FNIP2: variants seen among roughly 807,000 people sequenced by gnomAD.
FNIP2 encodes folliculin interacting protein 2, also known as folliculin-interacting protein 2.
FNIP2 carries 32 observed loss-of-function variants against 108.7 expected under a neutral mutation model. The observed-to-expected ratio is 0.29, with a 90% confidence interval of 0.22 to 0.40. The LOEUF is 0.40. Among genes scored for constraint, FNIP2 ranks in the 10% least tolerant of loss-of-function variants. The pLI is 1.00. For synonymous variants in FNIP2, 480 were observed against 496.7 expected (o/e 0.97, Z 0.45); for missense variants, 1,202 against 1,381.6 (o/e 0.87, Z 2.06).
Position 158,816,802 on chromosome 4 carries a change from T to A in FNIP2, c.108-9114T>A, listed in dbSNP as rs1378312545. Among the ~76,000 whole-genome samples the A allele has an allele frequency of 3.3e-4, 50 of 149,620 alleles. 1 individual carries two copies. The highest frequency in any genetic ancestry group is 1.2e-3 in the African/African-American group (50 of 40,776). On this transcript the variant is annotated intron_variant, in intron 1 of 16. Transcript: ENST00000264433. ...TCTGTCTCAAAAAAAAAAAAAAAAA[T>A]TAGCTCAGTGATTATTGAATTAATA... is the stretch of plus-strand genomic sequence containing the variant.
intron 1 of FNIP2, among the ~76,000 whole-genome samples, chr4:158,774,016 C>A (rs948672686): frequency 2.0e-5 from 3 of 151,660 alleles, no homozygotes; most frequent in African/African-American, 2.4e-5. Context: ...CACAGACACA[C>A]AAAACAAAAG....
chr4:158,857,400 T>A (rs529171460), intron 8 of FNIP2, among the ~76,000 whole-genome samples: 1 of 152,214 alleles, frequency 6.6e-6, no homozygotes, highest in Non-Finnish European at 1.5e-5. Flanking sequence ...TATGAAATTG[T>A]GTGAAGTTCT....
chr4:158,850,586 T>G (rs1372563679), intron 7 of FNIP2, among the ~76,000 whole-genome samples: 1 of 149,384 alleles, frequency 6.7e-6, no homozygotes, highest in Admixed American at 6.8e-5. Flanking sequence ...GAAAGCATAT[T>G]GGAGAGTAGA....
intron 7 of FNIP2, among the ~76,000 whole-genome samples, chr4:158,846,013 A>G (rs1192965436): frequency 6.6e-6 from 1 of 152,208 alleles, no homozygotes; most frequent in African/African-American, 2.4e-5. Flanking sequence ...ATAATTAACT[A>G]ATTAGAACTA....
At chr4:158,881,326 C>T (rs186052767) in intron 14 of FNIP2, among the ~76,000 whole-genome samples, 2 of 145,904 alleles carry the variant, frequency 1.4e-5, no homozygotes, top group Non-Finnish European at 3.0e-5. Flanking sequence ...TCCACCGTCT[C>T]GTCTCCCTCT....
intron 14 of FNIP2, 94 bp downstream of exon 14, chr4:158,870,563 T>G (rs1780884653): frequency 6.9e-7 from 1 of 1,449,986 alleles, no homozygotes. Flanking sequence ...AGAGACTAGT[T>G]AAGGGGTTGT....
chr4:158,829,159 C>T lies in FNIP2; in HGVS notation c.315C>T (p.Ser105=). The T allele has an allele frequency of 6.2e-7, 1 of 1,613,166 alleles. No individual in the cohort carries two copies. Among genetic ancestry groups the T allele is most frequent in the Non-Finnish European group, 8.5e-7 (1 of 1,179,514 alleles). The part of the protein sequence containing the change: ...SSSVSSSSSS[S]ISSHSSSGGS... ...GTGTCAGCAGCAGTAGCAGCAGCAG[C>T]ATCTCTTCCCACAGTTCTTCTGGGG... Residue 105 remains serine, a synonymous_variant, in exon 3 of 17, where the codon AGC becomes AGT. Transcript: ENST00000264433.
chr4:158,807,012 C>T (rs944275870), intron 1 of FNIP2, among the ~76,000 whole-genome samples: 3 of 151,912 alleles, frequency 2.0e-5, no homozygotes, highest in African/African-American at 7.3e-5. Context: ...CACGTTCTTC[C>T]GTTAATAAAT....
Position 158,890,270 on chromosome 4 carries a change from C to G in FNIP2, c.2950-1176C>G, listed in dbSNP as rs564586158. ...AATAGGGTTTATATCTTTTTAAACC[C>G]TTATATTTTTATAAACCCTGATAAT... On this transcript the variant is annotated intron_variant, in intron 14 of 16. Coordinates refer to ENST00000264433, the MANE Select transcript of FNIP2 (RefSeq NM_020840.3). 1.7e-5 allele frequency: 17 copies of G among 984,282 alleles called. No individual in the cohort carries two copies. The African/African-American group carries it at 2.3e-4, about 13-fold the overall frequency. The allele number at this position is 984,282 out of a possible 1,614,324, so 61.0% of individuals were successfully genotyped here.
intron 14 of FNIP2, among the ~76,000 whole-genome samples, chr4:158,888,909 G>A (rs1782152633): frequency 6.6e-6 from 1 of 151,904 alleles, no homozygotes; most frequent in African/African-American, 2.4e-5. Flanking sequence ...AACTTTGGAG[G>A]CCAAATGTAG....
At chr4:158,840,628 T>A (rs543432082) in intron 7 of FNIP2, among the ~76,000 whole-genome samples, 1 of 152,258 alleles carries the variant, frequency 6.6e-6, no homozygotes, top group South Asian at 2.1e-4. Context: ...ACTCCTGACC[T>A]CAGGTGATTC....
chr4:158,868,330 C>G lies in FNIP2; in HGVS notation c.1694C>G (p.Ser565Cys). Residue 565 changes from serine (S) to cysteine (C), a missense_variant, in exon 13 of 17, where the codon TCT (serine) becomes TGT (cysteine). By Grantham distance (112) the Ser-to-Cys change is moderately radical. Transcript: ENST00000264433. The surrounding 1 kb of genome is among the most constrained non-coding windows in gnomAD (Gnocchi z 4.6). The part of the protein sequence containing the change: ...TALEKGEVEE[S>C]EYVVITVRNE... ...TTGGAGAAAGGAGAGGTGGAGGAGT[C>G]TGAGTATGTGGTCATTACGGTGAGG... is the stretch of plus-strand genomic sequence containing the variant. The G allele has an allele frequency of 6.2e-7, 1 of 1,614,024 alleles. No homozygotes were observed. The highest frequency in any genetic ancestry group is 8.5e-7 in the Non-Finnish European group (1 of 1,179,912).
At chr4:158,856,386 A>T (rs1779983169) in intron 8 of FNIP2, among the ~76,000 whole-genome samples, 1 of 152,212 alleles carries the variant, frequency 6.6e-6, no homozygotes, top group Non-Finnish European at 1.5e-5. Flanking sequence ...TTAAATAGCC[A>T]TTTTTGCTTT....
intron 14 of FNIP2, among the ~76,000 whole-genome samples, chr4:158,885,788 G>C (rs1156900060): frequency 6.6e-6 from 1 of 152,208 alleles, no homozygotes; most frequent in Non-Finnish European, 1.5e-5. Context: ...TTCCACAGCT[G>C]GTAAGTGACG....
chr4:158,784,155 C>CTGT (rs1020535076), intron 1 of FNIP2, among the ~76,000 whole-genome samples: 1 of 152,200 alleles, frequency 6.6e-6, no homozygotes, highest in Non-Finnish European at 1.5e-5. Context: ...ATTCATGAAG[C>CTGT]TGTAGTTGTC....
chr4:158,769,137 C>G lies in FNIP2; in HGVS notation c.-76C>G, dbSNP rs1211564024. ...CGCGCCGCCGCGATGGCCCCGCCAC[C>G]GCGGCCGCCGCCCCCGGCTGCGCGC... On this transcript the variant is annotated 5_prime_UTR_variant, in exon 1 of 17. Coordinates refer to ENST00000264433, the MANE Select transcript of FNIP2 (RefSeq NM_020840.3). 1 of 651,710 alleles carries G rather than the reference C, an allele frequency of 1.5e-6. No individual in the cohort carries two copies. The highest frequency in any genetic ancestry group is 6.5e-5 in the South Asian group (1 of 15,370). The allele number at this position is 651,710 out of a possible 1,614,324, so 40.4% of individuals were successfully genotyped here.
intron 7 of FNIP2, among the ~76,000 whole-genome samples, chr4:158,843,539 A>G (rs1779237537): frequency 6.6e-6 from 1 of 152,248 alleles, no homozygotes; most frequent in Non-Finnish European, 1.5e-5. Flanking sequence ...GATAATAGAC[A>G]ATAAAATGTA....
chr4:158,808,426 G>T (rs771663375), intron 1 of FNIP2, among the ~76,000 whole-genome samples: 1 of 151,934 alleles, frequency 6.6e-6, no homozygotes, highest in African/African-American at 2.4e-5. Flanking sequence ...CTAGTGCTGA[G>T]AATTTTTTTT....
chr4:158,787,290 A>G (rs1253613284), intron 1 of FNIP2, among the ~76,000 whole-genome samples: 3 of 152,270 alleles, frequency 2.0e-5, no homozygotes, highest in Non-Finnish European at 4.4e-5. Flanking sequence ...TGGGAATTAC[A>G]TGTTGTACAA....
Sources: allele counts gnomAD v4.1 joint callset (sites outside exome capture counted in the v4.1 genomes callset), GRCh38; gene constraint gnomAD v4.1.1; non-coding constraint Gnocchi (gnomAD v3.1); transcripts MANE v1.5; gene names NCBI Gene and HGNC (gene_info 2026-07-23, HGNC 2026-07-21).